Variants in LRRC4B observed in about 807,000 individuals in gnomAD.
The protein encoded by LRRC4B is leucine rich repeat containing 4B.
LRRC4B carries 1 observed loss-of-function variant against 7.3 expected under a neutral mutation model. The observed-to-expected ratio is 0.14, with a 90% CI of 0.05 to 0.65. The LOEUF (loss-of-function observed/expected upper bound fraction) is 0.65, where lower values mean the gene tolerates loss of function less well. Among genes scored for constraint, LRRC4B ranks in the 30% least tolerant of loss-of-function variants. LRRC4B has a pLI of 0.84. For missense variants in LRRC4B, 730 were observed against 1,041.6 expected (o/e 0.70, Z 4.12); for synonymous variants, 500 against 499.2 (o/e 1.00, Z -0.02).
At chr19:50,520,359 G>A (rs1433864269) in intron 2 of LRRC4B, among the ~76,000 whole-genome samples, 2 of 151,992 alleles carry the variant, frequency 1.3e-5, no homozygotes, top group African/African-American at 2.4e-5. Context: ...GCCAGGCATG[G>A]TGGCTAATGC....
chr19:50,524,860 A>G (rs1980733212), intron 2 of LRRC4B, among the ~76,000 whole-genome samples: 1 of 152,160 alleles, frequency 6.6e-6, no homozygotes, highest in Non-Finnish European at 1.5e-5. Flanking sequence ...GCCCTGTGAG[A>G]TGCTGCGGGT....
In LRRC4B at chr19:50,517,564, C is replaced by G; in HGVS notation, c.*7G>C. 7.0e-7 allele frequency: 1 copy of G among 1,421,886 alleles called. No individual in the cohort carries two copies. The highest frequency in any genetic ancestry group is 9.2e-7 in the Non-Finnish European group (1 of 1,086,554). 88.1% of individuals were successfully genotyped at this position (1,421,886 alleles called of 1,614,324 possible). A position where few individuals can be genotyped will look rare whatever the true frequency, so the allele number is the denominator to read the frequency against. ...TCCACGCCCCTCGCCCGCCCGGCCCCGCCGCCTCAGATCTGCGTCTCTTGC... is the reference window on the plus strand; with the variant it reads ...TCCACGCCCCTCGCCCGCCCGGCCCGGCCGCCTCAGATCTGCGTCTCTTGC... On this transcript the variant is annotated 3_prime_UTR_variant, in exon 3 of 3. Coordinates refer to ENST00000652263, the MANE Select transcript of LRRC4B (RefSeq NM_001080457.2). This position sits in a 1 kb window ranked among gnomAD's most constrained non-coding sequence, Gnocchi z 6.6.
Position 50,517,495 on chromosome 19 carries a change from G to A in LRRC4B, c.*76C>T. Reference sequence around the variant, plus strand: ...GGTGGGCTGGGCTGTGGGAGGGAGGGGTCCCGGTCAGGCTGCGCCCGGGCT... The same window carrying A: ...GGTGGGCTGGGCTGTGGGAGGGAGGAGTCCCGGTCAGGCTGCGCCCGGGCT... On this transcript the variant is annotated 3_prime_UTR_variant, in exon 3 of 3. Coordinates refer to ENST00000652263, the MANE Select transcript of LRRC4B (RefSeq NM_001080457.2). This position sits in a 1 kb window ranked among gnomAD's most constrained non-coding sequence, Gnocchi z 6.6. The A allele has an allele frequency of 7.9e-7, 1 of 1,271,844 alleles. No homozygotes were observed. Among genetic ancestry groups the A allele is most frequent in the Non-Finnish European group, 1.0e-6 (1 of 986,414 alleles). The allele number at this position is 1,271,844 out of a possible 1,614,324, so 78.8% of individuals were successfully genotyped here.
chr19:50,549,746 G>A (rs951922154), intron 1 of LRRC4B, among the ~76,000 whole-genome samples: 7 of 152,194 alleles, frequency 4.6e-5, no homozygotes, highest in Non-Finnish European at 5.9e-5. Flanking sequence ...GGCACAGGCC[G>A]AGAGGCCACC....
chr19:50,550,463 C>T (rs976200931), intron 1 of LRRC4B, among the ~76,000 whole-genome samples: 4 of 74,742 alleles, frequency 5.4e-5, no homozygotes, highest in African/African-American at 2.0e-4. Flanking sequence ...CTCTCAGGAC[C>T]CCCCTCTCAC....
intron 1 of LRRC4B, among the ~76,000 whole-genome samples, chr19:50,559,535 G>A (rs952488704): frequency 6.6e-6 from 1 of 152,252 alleles, no homozygotes; most frequent in African/African-American, 2.4e-5. Flanking sequence ...CACCCCAGAA[G>A]AGAACTGGGC....
rs1322733138 is a variant in LRRC4B, at chr19:50,553,040, T to C, written c.-35-4167A>G. Among the ~76,000 whole-genome samples the C allele has an allele frequency of 6.6e-6, 1 of 152,208 alleles. No individual in the cohort carries two copies. Among genetic ancestry groups the C allele is most frequent in the East Asian group, 1.9e-4 (1 of 5,202 alleles). ...AGGGATAATGGGAGTATCTGCCTCC[T>C]AGGGCCACTGTGGGGATTAAATCGC... On this transcript the variant is annotated intron_variant, in intron 1 of 2. Coordinates refer to ENST00000652263, the MANE Select transcript of LRRC4B (RefSeq NM_001080457.2). This position sits in a 1 kb window ranked among gnomAD's most constrained non-coding sequence, Gnocchi z 4.2.
At chr19:50,549,550 C>T (rs1335606735) in intron 1 of LRRC4B, among the ~76,000 whole-genome samples, 1 of 152,258 alleles carries the variant, frequency 6.6e-6, no homozygotes, top group African/African-American at 2.4e-5. Context: ...GGGGGCCTCA[C>T]AGCAGCTTCA....
intron 2 of LRRC4B, among the ~76,000 whole-genome samples, chr19:50,545,224 A>G: frequency 6.6e-6 from 1 of 151,684 alleles, no homozygotes; most frequent in African/African-American, 2.4e-5. Context: ...CCTGACCAAC[A>G]TGGAGAAACC....
chr19:50,551,319 G>A (rs1299203075), intron 1 of LRRC4B, among the ~76,000 whole-genome samples: 3 of 150,208 alleles, frequency 2.0e-5, no homozygotes, highest in Non-Finnish European at 4.4e-5. Flanking sequence ...TGGGGGGGGC[G>A]CAGGGGCTTC....
intron 1 of LRRC4B, among the ~76,000 whole-genome samples, chr19:50,559,268 C>T (rs1221971599): frequency 5.9e-5 from 9 of 152,170 alleles, no homozygotes. Context: ...AATTCCACCT[C>T]TACTAAAAAT....
Position 50,548,441 on chromosome 19 carries a change from G to A in LRRC4B, c.297+101C>T, listed in dbSNP as rs1981904517. ...GCCACATCCACAGGTGCCGGAGACGGGGAAGCCCCGGTGTGGGGAGGCCCA... is the reference window on the plus strand; with the variant it reads ...GCCACATCCACAGGTGCCGGAGACGAGGAAGCCCCGGTGTGGGGAGGCCCA... On this transcript the variant is annotated intron_variant, in intron 2 of 2. Transcript: ENST00000652263. The surrounding 1 kb of genome is among the most constrained non-coding windows in gnomAD (Gnocchi z 6.8). 6.8e-7 allele frequency: 1 copy of A among 1,466,602 alleles called. No homozygotes were observed. Among genetic ancestry groups the A allele is most frequent in the Non-Finnish European group, 9.2e-7 (1 of 1,091,698 alleles). The allele number at this position is 1,466,602 out of a possible 1,614,324, so 90.8% of individuals were successfully genotyped here.
Position 50,517,302 on chromosome 19 carries a change from G to A in LRRC4B, c.*269C>T, listed in dbSNP as rs969663470. 9.0e-6 allele frequency: 3 copies of A among 335,108 alleles called. No homozygotes were observed. The highest frequency in any genetic ancestry group is 1.5e-4 in the South Asian group (1 of 6,688). 20.8% of individuals were successfully genotyped at this position (335,108 alleles called of 1,614,324 possible). A position where few individuals can be genotyped will look rare whatever the true frequency, so the allele number is the denominator to read the frequency against. On this transcript the variant is annotated 3_prime_UTR_variant, in exon 3 of 3. Transcript: ENST00000652263. The surrounding 1 kb of genome is among the most constrained non-coding windows in gnomAD (Gnocchi z 6.6). ...CGAGGAGGAAACGCGGAGAACTCAG[G>A]CCACTTCTCCTGGGTCCCACGTCCC...
chr19:50,565,277 G>A (rs979755531), intron 1 of LRRC4B, among the ~76,000 whole-genome samples: 1 of 152,228 alleles, frequency 6.6e-6, no homozygotes, highest in South Asian at 2.1e-4. Flanking sequence ...TTTGCCTTGT[G>A]TCTGTCCGTA....
At chr19:50,530,653 C>G (rs923951536) in intron 2 of LRRC4B, among the ~76,000 whole-genome samples, 8 of 152,180 alleles carry the variant, frequency 5.3e-5, no homozygotes, top group African/African-American at 1.9e-4. Context: ...AGGTGAGACT[C>G]ACTCCGCTCA....
chr19:50,567,052 G>T (rs1219648165), intron 1 of LRRC4B, among the ~76,000 whole-genome samples: 6 of 151,292 alleles, frequency 4.0e-5, no homozygotes. Context: ...AGAGAAGGCT[G>T]AGGAGCAGAT....
chr19:50,544,650 A>G (rs1344090687), intron 2 of LRRC4B, among the ~76,000 whole-genome samples: 3 of 152,194 alleles, frequency 2.0e-5, no homozygotes, highest in Non-Finnish European at 2.9e-5. Context: ...AGCGAAGGAG[A>G]GCTACCCATG....
chr19:50,529,571 G>A (rs922965555), intron 2 of LRRC4B, among the ~76,000 whole-genome samples: 7 of 152,252 alleles, frequency 4.6e-5, no homozygotes, highest in Middle Eastern at 3.4e-3. Flanking sequence ...TTGGGAGGCC[G>A]AGGCGGGTGG....
At position 50,563,670 on chromosome 19, in the gene LRRC4B, G is replaced by T. The variant is rs564554984; in HGVS notation, c.-36+4274C>A. Among the ~76,000 whole-genome samples the T allele has an allele frequency of 6.6e-6, 1 of 152,354 alleles. No homozygotes were observed. The highest frequency in any genetic ancestry group is 2.1e-4 in the South Asian group (1 of 4,824). On this transcript the variant is annotated intron_variant, in intron 1 of 2. Transcript: ENST00000652263. The surrounding 1 kb of genome is among the most constrained non-coding windows in gnomAD (Gnocchi z 4.9). The stretch of plus-strand genomic sequence containing the variant: ...CTGCCTACGGGCTGTGATGCCACAT[G>T]CTGGGGACAAGAGTGTGGGGTCTGT...
Sources: allele counts gnomAD v4.1 joint callset (sites outside exome capture counted in the v4.1 genomes callset), GRCh38; gene constraint gnomAD v4.1.1; non-coding constraint Gnocchi (gnomAD v3.1); transcripts MANE v1.5; gene names NCBI Gene and HGNC (gene_info 2026-07-23, HGNC 2026-07-21).